Variants in SLC9A9 observed in about 807,000 individuals in gnomAD.
SLC9A9 encodes solute carrier family 9 member A9, also known as sodium/hydrogen exchanger 9.
Under a neutral mutation model 77.8 loss-of-function variants are expected in SLC9A9, and 62 were observed. The ratio of observed to expected loss-of-function variants is 0.80; its 90% confidence interval spans 0.65 to 0.98. SLC9A9 has a LOEUF of 0.98. SLC9A9 is among the 50% of genes least tolerant of loss of function. The pLI is 0.00. For synonymous variants in SLC9A9, 320 were observed against 283.5 expected, an observed-to-expected ratio of 1.13 and a Z score of -1.29; for missense variants, 775 against 774.9, an observed-to-expected ratio of 1.00 and a Z score of 0.00.
In SLC9A9 at chr3:143,640,639, T is replaced by C. The variant is rs374126318; in HGVS notation, c.755+11616A>G. Among the ~76,000 whole-genome samples, 19 of 152,200 alleles carry C rather than the reference T, an allele frequency of 1.2e-4. No homozygotes were observed. The East Asian group carries it at 2.3e-3, about 19-fold the overall frequency. ...ACTTTGGGAGGCCAAGGCGGGACAA[T>C]TGCTTGAGCCTAGGAATTCCAGACC... On this transcript the variant is annotated intron_variant, in intron 6 of 15. Transcript: ENST00000316549.
chr3:143,590,337 GTTA>G (rs1231709060), intron 6 of SLC9A9, among the ~76,000 whole-genome samples: 1 of 152,188 alleles, frequency 6.6e-6, no homozygotes, highest in Non-Finnish European at 1.5e-5. Context: ...AATATTAGCT[GTTA>G]TTATTGCTAT....
Position 143,703,521 on chromosome 3 carries a change from G to A in SLC9A9, c.534-10214C>T, listed in dbSNP as rs188559380. On this transcript the variant is annotated intron_variant, in intron 4 of 15. Transcript: ENST00000316549. Reference sequence around the variant, plus strand: ...ATTGAAAAATTTCTTGAAACAAATGGTAATAGAAACAAAACATACCAAAAT... The same window carrying A: ...ATTGAAAAATTTCTTGAAACAAATGATAATAGAAACAAAACATACCAAAAT... Among the ~76,000 whole-genome samples, 302 of 151,880 alleles carry A rather than the reference G, an allele frequency of 2.0e-3. 1 individual carries two copies. The highest frequency in any genetic ancestry group is 3.7e-3 in the Non-Finnish European group (254 of 67,890).
chr3:143,528,068 C>A (rs760220200), intron 9 of SLC9A9, among the ~76,000 whole-genome samples: 16 of 152,196 alleles, frequency 1.1e-4, no homozygotes, highest in Non-Finnish European at 1.9e-4. Context: ...ATTTCCATGT[C>A]TTTTCCTCCA....
intron 4 of SLC9A9, among the ~76,000 whole-genome samples, chr3:143,698,970 A>C (rs978299727): frequency 1.6e-4 from 24 of 152,216 alleles, no homozygotes; most frequent in African/African-American, 5.5e-4. Flanking sequence ...TAAATTTCTG[A>C]ATTTTATACC....
intron 2 of SLC9A9, among the ~76,000 whole-genome samples, chr3:143,821,607 C>A (rs2009168142): frequency 6.6e-6 from 1 of 152,078 alleles, no homozygotes; most frequent in African/African-American, 2.4e-5. Context: ...TTAGGTAAGC[C>A]TGTATTTAGT....
chr3:143,753,677 T>C (rs79481522), intron 4 of SLC9A9, among the ~76,000 whole-genome samples: 3,591 of 152,190 alleles, frequency 0.024, 129 homozygotes, highest in African/African-American at 0.078. Context: ...TGTAGATGGA[T>C]GTGGCTGAGT....
intron 12 of SLC9A9, among the ~76,000 whole-genome samples, chr3:143,421,326 A>C (rs929148441): frequency 1.3e-5 from 2 of 152,238 alleles, no homozygotes; most frequent in South Asian, 4.1e-4. Flanking sequence ...CTAGGCAAAA[A>C]GAACAAAGTT....
chr3:143,581,645 C>T (rs1272985165), intron 6 of SLC9A9, among the ~76,000 whole-genome samples: 1 of 152,146 alleles, frequency 6.6e-6, no homozygotes, highest in African/African-American at 2.4e-5. Flanking sequence ...TCTTGTTTCT[C>T]CCTTTAAAAA....
intron 11 of SLC9A9, among the ~76,000 whole-genome samples, chr3:143,467,846 C>T (rs1559929298): frequency 1.3e-5 from 2 of 152,204 alleles, no homozygotes; most frequent in East Asian, 3.9e-4. Context: ...CTCCTTAATT[C>T]CTAACAACCA....
chr3:143,831,236 T>G (rs572150388), intron 2 of SLC9A9, among the ~76,000 whole-genome samples: 4 of 152,252 alleles, frequency 2.6e-5, no homozygotes, highest in African/African-American at 9.6e-5. Flanking sequence ...AAATAAGTGA[T>G]GTGAGATCCT....
chr3:143,367,242 T>C (rs1033351796), intron 13 of SLC9A9, among the ~76,000 whole-genome samples: 1 of 152,210 alleles, frequency 6.6e-6, no homozygotes, highest in Admixed American at 6.5e-5. Flanking sequence ...ATGCAATCTC[T>C]TTCTAAAAAA....
intron 14 of SLC9A9, among the ~76,000 whole-genome samples, chr3:143,362,834 C>T (rs2032787920): frequency 6.6e-6 from 1 of 152,184 alleles, no homozygotes; most frequent in Non-Finnish European, 1.5e-5. Flanking sequence ...TGACTTAGCC[C>T]CACGAATCAC....
At chr3:143,417,575 A>G (rs1395410084) in intron 12 of SLC9A9, among the ~76,000 whole-genome samples, 2 of 151,412 alleles carry the variant, frequency 1.3e-5, no homozygotes, top group African/African-American at 2.4e-5. Context: ...GGATGGAGAG[A>G]GAGAGAGGGA....
At chr3:143,779,951 T>C (rs903941013) in intron 4 of SLC9A9, among the ~76,000 whole-genome samples, 1 of 152,204 alleles carries the variant, frequency 6.6e-6, no homozygotes, top group Admixed American at 6.5e-5. Context: ...CTTTTGAGGA[T>C]AATGTTTACC....
intron 12 of SLC9A9, among the ~76,000 whole-genome samples, chr3:143,388,046 T>G (rs2033467725): frequency 6.6e-6 from 1 of 152,182 alleles, no homozygotes; most frequent in African/African-American, 2.4e-5. Flanking sequence ...CTCTAAGACC[T>G]GCTTTTGATG....
chr3:143,502,123 T>A (rs1218250181), intron 9 of SLC9A9, among the ~76,000 whole-genome samples: 2 of 151,104 alleles, frequency 1.3e-5, no homozygotes, highest in African/African-American at 5.0e-5. Flanking sequence ...CCACTCAGGG[T>A]CAGTAAAAAA....
In SLC9A9 at chr3:143,468,766, C is replaced by G. The variant is rs559447418; in HGVS notation, c.1316-1576G>C. 3.3e-5 allele frequency among the ~76,000 whole-genome samples: 5 copies of G among 152,300 alleles called. No homozygotes were observed. In the South Asian group the frequency reaches 1.0e-3, roughly 32 times the overall value. On this transcript the variant is annotated intron_variant, in intron 11 of 15. Coordinates refer to ENST00000316549, the MANE Select transcript of SLC9A9 (RefSeq NM_173653.4). ...AGTTTTACAAAATCTATAATCTAAA[C>G]TAGTATATTAAAACCTGTTTTTTCT...
intron 5 of SLC9A9, among the ~76,000 whole-genome samples, chr3:143,683,162 T>C (rs573352746): frequency 1.3e-5 from 2 of 152,254 alleles, no homozygotes; most frequent in Admixed American, 1.3e-4. Context: ...ATAAGTTCTG[T>C]ACATTCCATT....
At chr3:143,492,492 G>A (rs930647474) in intron 11 of SLC9A9, among the ~76,000 whole-genome samples, 7 of 152,088 alleles carry the variant, frequency 4.6e-5, no homozygotes, top group East Asian at 3.9e-4. Flanking sequence ...CCCTTTTACC[G>A]TATGGACCAG....
Sources: allele counts gnomAD v4.1 joint callset (sites outside exome capture counted in the v4.1 genomes callset), GRCh38; gene constraint gnomAD v4.1.1; transcripts MANE v1.5; gene names NCBI Gene and HGNC (gene_info 2026-07-23, HGNC 2026-07-21).